CMIP: variants seen among roughly 807,000 people sequenced by gnomAD.
CMIP encodes C-Maf-inducing protein.
Under a neutral mutation model 97.3 loss-of-function variants are expected in CMIP, and 13 were observed. That is an observed-to-expected ratio of 0.13 (90% CI 0.09 to 0.21). The LOEUF (loss-of-function observed/expected upper bound fraction) is 0.21. Ranked by LOEUF, CMIP falls within the 10% of genes least tolerant of loss-of-function variation. The pLI, the probability that CMIP is intolerant of heterozygous loss-of-function variation, is 1.00. For missense variants in CMIP, 847 were observed against 1,024.9 expected, an observed-to-expected ratio of 0.83 and a Z score of 2.37; for synonymous variants, 538 against 436.3, an observed-to-expected ratio of 1.23 and a Z score of -2.91.
At chr16:81,446,670 A>G (rs538524862) in intron 1 of CMIP, among the ~76,000 whole-genome samples, 3 of 152,298 alleles carry the variant, frequency 2.0e-5, no homozygotes, top group Non-Finnish European at 2.9e-5. Flanking sequence ...TGTGCCAAGA[A>G]AACCCAGCCA....
rs756253978 is a variant in CMIP at position 81,678,268 on chromosome 16, C to G, written c.1035-7C>G. Reference sequence around the variant, plus strand: ...ACTCATGTGCCCTCTCCCGCCTCTTCCCCCAGCCGCGACAATTCCCCAAGC... The same window carrying G: ...ACTCATGTGCCCTCTCCCGCCTCTTGCCCCAGCCGCGACAATTCCCCAAGC... On this transcript the variant is annotated splice_polypyrimidine_tract_variant and splice_region_variant and intron_variant, in intron 9 of 20. Coordinates refer to ENST00000537098, the MANE Select transcript of CMIP (RefSeq NM_198390.3). 1.3e-6 allele frequency: 2 copies of G among 1,577,016 alleles called. No homozygotes were observed. The highest frequency in any genetic ancestry group is 2.3e-5 in the East Asian group (1 of 44,244).
At chr16:81,609,188 C>T (rs1187892384) in intron 2 of CMIP, among the ~76,000 whole-genome samples, 5 of 151,770 alleles carry the variant, frequency 3.3e-5, no homozygotes, top group African/African-American at 1.2e-4. Flanking sequence ...CCCTCCCCCC[C>T]TCCCCACCAC....
chr16:81,674,347 G>A (rs1001272735), intron 9 of CMIP, among the ~76,000 whole-genome samples: 10 of 152,184 alleles, frequency 6.6e-5, no homozygotes, highest in Non-Finnish European at 1.2e-4. Flanking sequence ...TAGCCAGGAT[G>A]GTCTTGATCT....
intron 2 of CMIP, among the ~76,000 whole-genome samples, chr16:81,611,059 G>A (rs2091823765): frequency 6.6e-6 from 1 of 152,098 alleles, no homozygotes; most frequent in Middle Eastern, 3.2e-3. Context: ...GGTGCCGCCC[G>A]GCACAGCCAC....
chr16:81,640,077 C>T (rs748312191), intron 3 of CMIP, among the ~76,000 whole-genome samples: 3 of 152,144 alleles, frequency 2.0e-5, no homozygotes, highest in Admixed American at 1.3e-4. Context: ...CGTCCCTACC[C>T]GAATTCTCCT....
intron 2 of CMIP, among the ~76,000 whole-genome samples, chr16:81,615,380 TGTGTATGGTGTGTGTGTG>T (rs2091900358): frequency 6.8e-6 from 1 of 148,024 alleles, no homozygotes; most frequent in African/African-American, 2.5e-5. Flanking sequence ...CTGTATGGTG[TGTGTATGGTGTGTGTGTG>T]GTGTATGGTG....
chr16:81,698,331 A>G (rs917213779), intron 14 of CMIP, among the ~76,000 whole-genome samples: 1 of 152,216 alleles, frequency 6.6e-6, no homozygotes, highest in Non-Finnish European at 1.5e-5. Context: ...CCCATCGCCC[A>G]TGCACCAGAA....
At chr16:81,699,946 G>T (rs1477575038) in intron 15 of CMIP, 145 bp downstream of exon 15, 2 of 605,742 alleles carry the variant, frequency 3.3e-6, no homozygotes, top group East Asian at 5.7e-5. Context: ...CCTGAGCTTA[G>T]TGGGAGCCTC....
intron 10 of CMIP, among the ~76,000 whole-genome samples, chr16:81,685,547 G>C (rs761869398): frequency 6.6e-6 from 1 of 151,816 alleles, no homozygotes; most frequent in Non-Finnish European, 1.5e-5. Context: ...AAAAACCTAA[G>C]TGCTCCCCTC....
chr16:81,542,157 G>C (rs74029173), intron 1 of CMIP, among the ~76,000 whole-genome samples: 5,189 of 152,280 alleles, frequency 0.034, 95 homozygotes, highest in African/African-American at 0.041. Flanking sequence ...GATGCTGAGA[G>C]GCAGACTTGC....
At chr16:81,451,993 A>C (rs1293920358) in intron 1 of CMIP, among the ~76,000 whole-genome samples, 7 of 152,138 alleles carry the variant, frequency 4.6e-5, no homozygotes, top group Admixed American at 4.6e-4. Flanking sequence ...GCCCTAACCG[A>C]AGGGTGATGA....
chr16:81,687,926 C>T (rs1188944140), intron 10 of CMIP, among the ~76,000 whole-genome samples: 3 of 152,246 alleles, frequency 2.0e-5, no homozygotes, highest in African/African-American at 7.2e-5. Context: ...TGCCATACTG[C>T]TCCTTGTCCG....
At chr16:81,597,124 T>C (rs1171956729) in intron 1 of CMIP, among the ~76,000 whole-genome samples, 1 of 152,140 alleles carries the variant, frequency 6.6e-6, no homozygotes, top group Admixed American at 6.5e-5. Flanking sequence ...GCAAACATCT[T>C]TGGGAGCACA....
intron 1 of CMIP, among the ~76,000 whole-genome samples, chr16:81,449,090 G>C (rs2150727087): frequency 6.6e-6 from 1 of 152,384 alleles, no homozygotes; most frequent in Non-Finnish European, 1.5e-5. Context: ...GGCTTTGTCT[G>C]TAGGCTTTGT....
intron 1 of CMIP, among the ~76,000 whole-genome samples, chr16:81,585,234 C>T (rs995660718): frequency 3.9e-5 from 6 of 152,258 alleles, no homozygotes; most frequent in Admixed American, 1.3e-4. Flanking sequence ...CCCAGCTACT[C>T]AGGAGGCTGA....
chr16:81,527,614 C>T (rs1252016745), intron 1 of CMIP, among the ~76,000 whole-genome samples: 1 of 152,174 alleles, frequency 6.6e-6, no homozygotes, highest in Admixed American at 6.5e-5. Flanking sequence ...TCATCCTCCT[C>T]CCCCGCGATA....
chr16:81,560,093 G>C (rs1000091789), intron 1 of CMIP, among the ~76,000 whole-genome samples: 3 of 150,276 alleles, frequency 2.0e-5, no homozygotes, highest in African/African-American at 4.9e-5. Context: ...GGTTGCAGGG[G>C]CCCTGTCTGC....
chr16:81,465,466 C>T (rs139965446), intron 1 of CMIP, among the ~76,000 whole-genome samples: 118 of 152,352 alleles, frequency 7.7e-4, no homozygotes, highest in African/African-American at 2.8e-3. Context: ...CTTCCTTTTC[C>T]TGTTCTCTGT....
At chr16:81,660,025 A>G (rs952538122) in intron 5 of CMIP, among the ~76,000 whole-genome samples, 18 of 152,108 alleles carry the variant, frequency 1.2e-4, no homozygotes, top group Admixed American at 3.3e-4. Flanking sequence ...TTTTTCTACC[A>G]TAGCTTGAGT....
Sources: gnomAD v4.1 joint callset for allele counts (sites outside exome capture counted in the v4.1 genomes callset) on GRCh38, gnomAD v4.1.1 for gene constraint, MANE v1.5 for transcripts, NCBI Gene and HGNC (gene_info 2026-07-23, HGNC 2026-07-21) for gene names.